The following DIS3L2 variants were observed in gnomAD, a reference collection of about 807,000 sequenced individuals.
DIS3L2 encodes the protein DIS3 like 3'-5' exoribonuclease 2, also known as DIS3-like exonuclease 2.
Under a neutral mutation model 97.5 loss-of-function variants are expected in DIS3L2, and 34 were observed. That is an observed-to-expected ratio of 0.35 (90% confidence interval 0.27 to 0.46). The LOEUF (loss-of-function observed/expected upper bound fraction) is 0.46. DIS3L2 is among the 20% of genes least tolerant of loss of function. DIS3L2 has a pLI of 1.00. For missense variants in DIS3L2, 1,038 were observed against 1,146.0 expected (o/e 0.91, Z 1.36); for synonymous variants, 435 against 445.2 (o/e 0.98, Z 0.29).
downstream of DIS3L2, chr2:232,340,640 AG>A: frequency 6.4e-6 from 3 of 465,332 alleles, no homozygotes; most frequent in Non-Finnish European, 1.3e-5. Flanking sequence ...CTCCCCATCC[AG>A]GCCAGAGATG....
intron 14 of DIS3L2, among the ~76,000 whole-genome samples, chr2:232,321,606 C>T (rs375960815): frequency 1.3e-5 from 2 of 152,110 alleles, no homozygotes; most frequent in Admixed American, 6.5e-5. Flanking sequence ...AGGGCGCCTT[C>T]GGCAGTGACG....
At chr2:232,190,297 G>A (rs554072199) in intron 9 of DIS3L2, among the ~76,000 whole-genome samples, 1 of 152,204 alleles carries the variant, frequency 6.6e-6, no homozygotes, top group East Asian at 1.9e-4. Context: ...TCATGCCACT[G>A]CATTCCAGCC....
intron 10 of DIS3L2, among the ~76,000 whole-genome samples, chr2:232,235,909 G>C (rs1692918889): frequency 6.6e-6 from 1 of 152,230 alleles, no homozygotes; most frequent in Admixed American, 6.5e-5. Context: ...ACAGCTGCGT[G>C]CCTGTCAGAA....
intron 13 of DIS3L2, among the ~76,000 whole-genome samples, chr2:232,295,570 C>T (rs1186386843): frequency 1.3e-5 from 2 of 152,210 alleles, no homozygotes; most frequent in African/African-American, 4.8e-5. Flanking sequence ...TGAAACAAGT[C>T]TCTGTCATCT....
At chr2:232,116,899 C>T (rs778247914) in intron 6 of DIS3L2, among the ~76,000 whole-genome samples, 35 of 152,096 alleles carry the variant, frequency 2.3e-4, no homozygotes, top group Non-Finnish European at 4.6e-4. Flanking sequence ...AATATGCCAC[C>T]CCTGTTCCTG....
At chr2:232,044,386 T>A (rs909225561) in intron 5 of DIS3L2, among the ~76,000 whole-genome samples, 2 of 152,106 alleles carry the variant, frequency 1.3e-5, no homozygotes, top group Admixed American at 1.3e-4. Context: ...TAAGACTGTT[T>A]AATAAGCTAG....
chr2:232,251,433 A>G (rs778178064), intron 12 of DIS3L2, among the ~76,000 whole-genome samples: 5 of 152,220 alleles, frequency 3.3e-5, no homozygotes, highest in Non-Finnish European at 7.3e-5. Flanking sequence ...GAGCTGTCCC[A>G]AGAAGAGACA....
At chr2:232,265,639 G>A (rs1174306167) in intron 13 of DIS3L2, among the ~76,000 whole-genome samples, 2 of 152,142 alleles carry the variant, frequency 1.3e-5, no homozygotes, top group Admixed American at 6.5e-5. Context: ...GATCAAATAC[G>A]AACATAAAAA....
At chr2:232,162,777 A>G (rs947567851) in intron 8 of DIS3L2, among the ~76,000 whole-genome samples, 2 of 152,252 alleles carry the variant, frequency 1.3e-5, no homozygotes, top group Non-Finnish European at 2.9e-5. Context: ...TGGCATGACA[A>G]TGCTTATGAG....
At chr2:232,339,626 A>G, downstream of DIS3L2, 1 of 437,032 alleles carries the variant, frequency 2.3e-6, no homozygotes, top group Non-Finnish European at 4.7e-6. Context: ...AGGCCACTGC[A>G]GGGTGTTCAG....
intron 12 of DIS3L2, among the ~76,000 whole-genome samples, chr2:232,251,751 A>C (rs1245032235): frequency 6.6e-6 from 1 of 152,242 alleles, no homozygotes; most frequent in Non-Finnish European, 1.5e-5. Flanking sequence ...CCTAGAAATT[A>C]GATGACAGTG....
chr2:231,967,047 C>T (rs1218364830), intron 1 of DIS3L2, among the ~76,000 whole-genome samples: 1 of 152,126 alleles, frequency 6.6e-6, no homozygotes, highest in Non-Finnish European at 1.5e-5. Context: ...TAATAACAGG[C>T]TGCCTCTGGG....
chr2:232,043,415 G>A (rs899175456), intron 5 of DIS3L2, among the ~76,000 whole-genome samples: 3 of 152,186 alleles, frequency 2.0e-5, no homozygotes, highest in Non-Finnish European at 4.4e-5. Context: ...CCAAATGTCT[G>A]CAAGTAGGGA....
intron 7 of DIS3L2, among the ~76,000 whole-genome samples, chr2:232,132,165 C>G (rs529479263): frequency 6.6e-6 from 1 of 152,222 alleles, no homozygotes; most frequent in South Asian, 2.1e-4. Flanking sequence ...TCCCTTCTCC[C>G]TTTTCCCTAT....
intron 13 of DIS3L2, among the ~76,000 whole-genome samples, chr2:232,275,080 C>G (rs1319424765): frequency 6.6e-6 from 1 of 152,096 alleles, no homozygotes; most frequent in African/African-American, 2.4e-5. Flanking sequence ...TGCCTTGCCT[C>G]TGTAGAGTCT....
At chr2:232,249,487 G>A (rs1693361900) in intron 12 of DIS3L2, 141 bp downstream of exon 12, 1 of 927,636 alleles carries the variant, frequency 1.1e-6, no homozygotes, top group Non-Finnish European at 1.6e-6. Context: ...ATAGAGAAAT[G>A]TCAGAGTCCC....
rs1038104975 is a variant in DIS3L2, at chr2:232,325,928, A to G, written c.1740-3885A>G. Among the ~76,000 whole-genome samples, 16 of 152,230 alleles carry G rather than the reference A, an allele frequency of 1.1e-4. No homozygotes were observed. The highest frequency in any genetic ancestry group is 8.8e-5 in the Non-Finnish European group (6 of 68,024). On this transcript the variant is annotated intron_variant, in intron 14 of 20. Transcript: ENST00000325385. The surrounding 1 kb of genome is among the most constrained non-coding windows in gnomAD (Gnocchi z 4.6). Reference sequence around the variant, plus strand: ...GGGGCAGGGCGCCCTCCCGTCCAGCAGCCCCAGTGCCCACTCTGCGCCCTT... The same window carrying G: ...GGGGCAGGGCGCCCTCCCGTCCAGCGGCCCCAGTGCCCACTCTGCGCCCTT...
intron 10 of DIS3L2, among the ~76,000 whole-genome samples, chr2:232,237,044 C>A (rs1043228030): frequency 2.0e-5 from 3 of 152,148 alleles, no homozygotes; most frequent in Non-Finnish European, 4.4e-5. Flanking sequence ...GCCACCGTGC[C>A]CAGCCTATAT....
At chr2:232,302,031 A>T (rs1164658422) in intron 14 of DIS3L2, among the ~76,000 whole-genome samples, 1 of 152,044 alleles carries the variant, frequency 6.6e-6, no homozygotes. Context: ...CAGACCAAGC[A>T]ATGTAAGAAG....
Sources: allele counts gnomAD v4.1 joint callset (sites outside exome capture counted in the v4.1 genomes callset), GRCh38; gene constraint gnomAD v4.1.1; non-coding constraint Gnocchi (gnomAD v3.1); transcripts MANE v1.5; gene names NCBI Gene and HGNC (gene_info 2026-07-23, HGNC 2026-07-21).